AGBL4: variants seen among roughly 807,000 people sequenced by gnomAD.
AGBL4 encodes AGBL carboxypeptidase 4.
Under a neutral mutation model 66.4 loss-of-function variants are expected in AGBL4, and 58 were observed. The ratio of observed to expected loss-of-function variants is 0.87; its 90% CI spans 0.71 to 1.09. The LOEUF (loss-of-function observed/expected upper bound fraction) is 1.09, where lower values mean the gene tolerates loss of function less well. AGBL4 is among the 50% of genes least tolerant of loss of function. AGBL4 has a pLI of 0.00. For missense variants in AGBL4, 579 were observed against 631.0 expected, an observed-to-expected ratio of 0.92 and a Z score of 0.88; for synonymous variants, 234 against 222.9, an observed-to-expected ratio of 1.05 and a Z score of -0.44.
chr1:49,622,656 A>G (rs1366903741), intron 3 of AGBL4, among the ~76,000 whole-genome samples: 4 of 138,280 alleles, frequency 2.9e-5, no homozygotes, highest in Non-Finnish European at 6.4e-5. Context: ...AAAAAAAAAG[A>G]AAAATGGGAA....
At chr1:48,868,274 C>T (rs920037262) in intron 5 of AGBL4, among the ~76,000 whole-genome samples, 34 of 152,268 alleles carry the variant, frequency 2.2e-4, no homozygotes, top group Non-Finnish European at 4.1e-4. Context: ...TTTTACCTCC[C>T]CTGCATTTCC....
chr1:49,330,410 C>T (rs1407153512), intron 3 of AGBL4, among the ~76,000 whole-genome samples: 1 of 152,078 alleles, frequency 6.6e-6, no homozygotes, highest in African/African-American at 2.4e-5. Context: ...CAGAGCGAGA[C>T]TGTGTCTCAA....
intron 4 of AGBL4, among the ~76,000 whole-genome samples, 168 bp from the exon 5 acceptor site, chr1:49,045,968 A>T (rs1644069534): frequency 6.6e-6 from 1 of 152,220 alleles, no homozygotes; most frequent in Non-Finnish European, 1.5e-5. Flanking sequence ...ACAGACCTGA[A>T]TCTGGCAGCT....
chr1:49,643,007 G>A (rs758038616), intron 3 of AGBL4, among the ~76,000 whole-genome samples: 5 of 151,896 alleles, frequency 3.3e-5, no homozygotes, highest in Non-Finnish European at 5.9e-5. Context: ...TAGAAATGAT[G>A]CAGATGATCA....
intron 3 of AGBL4, among the ~76,000 whole-genome samples, chr1:49,250,797 T>C (rs943011674): frequency 6.6e-6 from 1 of 152,128 alleles, no homozygotes; most frequent in African/African-American, 2.4e-5. Flanking sequence ...CCACTCTCAC[T>C]ACCAGCCTCT....
intron 1 of AGBL4, among the ~76,000 whole-genome samples, chr1:49,998,673 C>T (rs1660530866): frequency 6.6e-6 from 1 of 151,978 alleles, no homozygotes; most frequent in Non-Finnish European, 1.5e-5. Context: ...ACACAGATGC[C>T]AAAATCCTCA....
chr1:49,894,104 A>C (rs1290377986), intron 1 of AGBL4, among the ~76,000 whole-genome samples: 1 of 152,180 alleles, frequency 6.6e-6, no homozygotes, highest in Non-Finnish European at 1.5e-5. Context: ...AATTGTCTGA[A>C]TCTTATTGAA....
chr1:49,600,814 A>G (rs1165302238), intron 3 of AGBL4, among the ~76,000 whole-genome samples: 4 of 152,180 alleles, frequency 2.6e-5, no homozygotes, highest in Non-Finnish European at 5.9e-5. Context: ...GCTGGTGACA[A>G]AATCTCTCAG....
At chr1:49,549,706 G>A (rs1345443484) in intron 3 of AGBL4, among the ~76,000 whole-genome samples, 2 of 151,974 alleles carry the variant, frequency 1.3e-5, no homozygotes, top group East Asian at 3.9e-4. Flanking sequence ...CTATAATATG[G>A]TCTATCTTGG....
At chr1:49,167,674 A>G (rs1301825404) in intron 4 of AGBL4, among the ~76,000 whole-genome samples, 7 of 152,230 alleles carry the variant, frequency 4.6e-5, no homozygotes, top group African/African-American at 1.7e-4. Context: ...TATTCTAGGA[A>G]TTCCATGTGC....
chr1:49,827,161 T>G (rs1031162253), intron 2 of AGBL4, among the ~76,000 whole-genome samples: 1 of 152,110 alleles, frequency 6.6e-6, no homozygotes, highest in Non-Finnish European at 1.5e-5. Context: ...TTACAATGAT[T>G]TGTTGCCCTC....
intron 5 of AGBL4, among the ~76,000 whole-genome samples, chr1:48,935,881 C>T (rs1255586073): frequency 7.3e-6 from 1 of 136,514 alleles, no homozygotes; most frequent in Non-Finnish European, 1.5e-5. Flanking sequence ...ATCGCTTGAA[C>T]CTGGGAGGCG....
intron 1 of AGBL4, among the ~76,000 whole-genome samples, chr1:49,915,102 G>C (rs974423813): frequency 6.6e-6 from 1 of 152,088 alleles, no homozygotes; most frequent in Non-Finnish European, 1.5e-5. Context: ...AAAATTATCG[G>C]GCAGTTCCAA....
chr1:48,803,698 G>T (rs999171777), intron 6 of AGBL4, among the ~76,000 whole-genome samples: 1 of 152,166 alleles, frequency 6.6e-6, no homozygotes, highest in Non-Finnish European at 1.5e-5. Flanking sequence ...GACAAAACTG[G>T]GTTAAAATCT....
chr1:49,033,651 G>A (rs1664407525), intron 5 of AGBL4, among the ~76,000 whole-genome samples: 1 of 151,954 alleles, frequency 6.6e-6, no homozygotes, highest in Admixed American at 6.6e-5. Context: ...AGTCACACAA[G>A]GACTGTAGTA....
At chr1:49,407,739 T>C in intron 3 of AGBL4, among the ~76,000 whole-genome samples, 1 of 152,090 alleles carries the variant, frequency 6.6e-6, no homozygotes, top group East Asian at 1.9e-4. Flanking sequence ...AAAATATGAA[T>C]GCTCAAATAA....
chr1:49,458,648 C>T (rs1472969888), intron 3 of AGBL4, among the ~76,000 whole-genome samples: 3 of 151,702 alleles, frequency 2.0e-5, no homozygotes, highest in African/African-American at 4.8e-5. Flanking sequence ...AGGGAGAATG[C>T]TTTCAATTTT....
chr1:49,990,969 C>T (rs1315608556), intron 1 of AGBL4, among the ~76,000 whole-genome samples: 6 of 151,932 alleles, frequency 3.9e-5, no homozygotes, highest in South Asian at 2.1e-4. Flanking sequence ...TATGCGTAAT[C>T]GTCATTAAAA....
At chr1:49,948,298 AT>A (rs1557609292) in intron 1 of AGBL4, among the ~76,000 whole-genome samples, 1 of 110,382 alleles carries the variant, frequency 9.1e-6, no homozygotes, top group South Asian at 2.5e-4. Flanking sequence ...ATATATAAAA[AT>A]ATATATAAAT....
Sources: gnomAD v4.1 joint callset for allele counts (sites outside exome capture counted in the v4.1 genomes callset) on GRCh38, gnomAD v4.1.1 for gene constraint, MANE v1.5 for transcripts, NCBI Gene and HGNC (gene_info 2026-07-23, HGNC 2026-07-21) for gene names.